The following TIAM1 variants were observed in gnomAD, a reference collection of about 807,000 sequenced individuals.
The protein encoded by TIAM1 is rho guanine nucleotide exchange factor TIAM1.
Under a neutral mutation model 163.5 loss-of-function variants are expected in TIAM1, and 65 were observed. The ratio of observed to expected loss-of-function variants is 0.40; its 90% CI spans 0.33 to 0.49. The LOEUF is 0.49. TIAM1 is among the 20% of genes least tolerant of loss of function. TIAM1 has a pLI of 0.77. For missense variants in TIAM1, 1,789 were observed against 2,044.7 expected (o/e 0.87, Z 2.41); for synonymous variants, 833 against 810.1 (o/e 1.03, Z -0.48).
intron 1 of TIAM1, among the ~76,000 whole-genome samples, chr21:31,531,439 A>T (rs1053703354): frequency 2.0e-5 from 3 of 152,200 alleles, no homozygotes; most frequent in Non-Finnish European, 4.4e-5. Context: ...AAAAAGAAAC[A>T]AAACGACACC....
intron 2 of TIAM1, among the ~76,000 whole-genome samples, chr21:31,383,613 A>G (rs544360717): frequency 6.6e-6 from 1 of 152,258 alleles, no homozygotes; most frequent in East Asian, 1.9e-4. Flanking sequence ...TGTCATTTCC[A>G]CGGACAATTC....
chr21:31,477,333 G>A (rs1412811933), intron 1 of TIAM1, among the ~76,000 whole-genome samples: 1 of 152,172 alleles, frequency 6.6e-6, no homozygotes, highest in Non-Finnish European at 1.5e-5. Flanking sequence ...GAGGCAATCT[G>A]CTGGCAAATG....
intron 1 of TIAM1, among the ~76,000 whole-genome samples, chr21:31,489,145 G>A (rs1437741659): frequency 1.5e-5 from 2 of 131,074 alleles, no homozygotes; most frequent in Non-Finnish European, 3.3e-5. Flanking sequence ...TGAGGCAGGA[G>A]GAATGCTTGA....
At chr21:31,370,884 AGCCCCGGTATGCAGCCTGT>A (rs1426359199) in intron 2 of TIAM1, among the ~76,000 whole-genome samples, 2 of 152,204 alleles carry the variant, frequency 1.3e-5, no homozygotes, top group Non-Finnish European at 2.9e-5. Flanking sequence ...TATAGCAACA[AGCCCCGGTATGCAGCCTGT>A]GCCGCCCTCT....
chr21:31,465,566 A>T (rs1481417956), intron 1 of TIAM1, among the ~76,000 whole-genome samples: 1 of 146,922 alleles, frequency 6.8e-6, no homozygotes, highest in Non-Finnish European at 1.5e-5. Context: ...GGCAGTGAGT[A>T]GTGATCTTCT....
intron 15 of TIAM1, among the ~76,000 whole-genome samples, chr21:31,175,572 G>A (rs1014017951): frequency 2.3e-4 from 35 of 152,102 alleles, no homozygotes; most frequent in Admixed American, 2.2e-3. Context: ...ATGGGGATTT[G>A]TGTTGGAATT....
chr21:31,120,418 C>G lies in TIAM1; in HGVS notation c.4726G>C (p.Val1576Leu). 1.9e-6 allele frequency: 3 copies of G among 1,614,044 alleles called. No individual in the cohort carries two copies. The highest frequency in any genetic ancestry group is 2.5e-6 in the Non-Finnish European group (3 of 1,179,978). The change falls in exon 28 of 28, where the codon GTT (valine) becomes CTT (leucine). Residue 1576 changes from valine to leucine, a missense_variant. Coordinates refer to ENST00000541036, the MANE Select transcript of TIAM1 (RefSeq NM_001353694.2). The surrounding 1 kb of genome is among the most constrained non-coding windows in gnomAD (Gnocchi z 4.2). ...LESASEEVIW[V>L]RREDFAPSRK... Reference sequence around the variant, plus strand: ...GAGGGGGCAAAGTCTTCACGCCTAACCCAAATGACTTCCTCGCTTGCGCTC... The same window carrying G: ...GAGGGGGCAAAGTCTTCACGCCTAAGCCAAATGACTTCCTCGCTTGCGCTC...
chr21:31,120,327 G>T lies in TIAM1; in HGVS notation c.*41C>A. ...CAGGAGGGTGGGCAGAGTTAGGGCAGGAAGTATCTACACACATTCTCTACG... is the reference window on the plus strand; with the variant it reads ...CAGGAGGGTGGGCAGAGTTAGGGCATGAAGTATCTACACACATTCTCTACG... On this transcript the variant is annotated 3_prime_UTR_variant, in exon 28 of 28. Transcript: ENST00000541036. This position sits in a 1 kb window ranked among gnomAD's most constrained non-coding sequence, Gnocchi z 4.2. 1 of 1,545,594 alleles carries T rather than the reference G, an allele frequency of 6.5e-7. No homozygotes were observed. The highest frequency in any genetic ancestry group is 8.8e-7 in the Non-Finnish European group (1 of 1,140,812).
At chr21:31,284,483 C>T (rs1037540118) in intron 2 of TIAM1, among the ~76,000 whole-genome samples, 1 of 152,034 alleles carries the variant, frequency 6.6e-6, no homozygotes, top group Admixed American at 6.6e-5. Flanking sequence ...GCTCCTCTTT[C>T]ACTGTCAAAG....
At chr21:31,217,733 G>A (rs922684814) in intron 8 of TIAM1, 34 bp from the exon 9 acceptor site, 5 of 1,607,500 alleles carry the variant, frequency 3.1e-6, no homozygotes, top group Non-Finnish European at 4.3e-6. Flanking sequence ...CCACAAGGGA[G>A]ATGCATCAGG....
At chr21:31,268,386 A>G (rs1200417714) in intron 3 of TIAM1, among the ~76,000 whole-genome samples, 4 of 152,206 alleles carry the variant, frequency 2.6e-5, no homozygotes, top group Non-Finnish European at 4.4e-5. Context: ...AACACAATAT[A>G]CCTTCACATT....
intron 23 of TIAM1, among the ~76,000 whole-genome samples, chr21:31,133,110 CCT>C (rs1004695771): frequency 6.6e-6 from 1 of 152,208 alleles, no homozygotes; most frequent in African/African-American, 2.4e-5. Flanking sequence ...CTTCACAGCA[CCT>C]CTTCCTTATT....
At chr21:31,478,848 T>C (rs900227661) in intron 1 of TIAM1, among the ~76,000 whole-genome samples, 1 of 152,204 alleles carries the variant, frequency 6.6e-6, no homozygotes, top group Admixed American at 6.5e-5. Flanking sequence ...ACACCCCAAA[T>C]GCGTGGCTTA....
upstream of TIAM1, among the ~76,000 whole-genome samples, chr21:31,348,155 G>C (rs1000049817): frequency 6.6e-6 from 1 of 152,014 alleles, no homozygotes; most frequent in African/African-American, 2.4e-5. Flanking sequence ...CTTTCAAATT[G>C]CATTCTCAGT....
chr21:31,249,797 AATGCTTCCACACG>A (rs1425402056), intron 5 of TIAM1, among the ~76,000 whole-genome samples: 1 of 152,124 alleles, frequency 6.6e-6, no homozygotes, highest in African/African-American at 2.4e-5. Context: ...AGTTCTCCAA[AATGCTTCCACACG>A]ATGCACATCT....
At chr21:31,237,045 T>G (rs984348365) in intron 6 of TIAM1, among the ~76,000 whole-genome samples, 3 of 152,128 alleles carry the variant, frequency 2.0e-5, no homozygotes, top group African/African-American at 7.2e-5. Context: ...AAAGAACATA[T>G]TATCTCAACA....
intron 1 of TIAM1, among the ~76,000 whole-genome samples, chr21:31,532,157 G>C (rs906703288): frequency 5.3e-5 from 8 of 152,068 alleles, no homozygotes; most frequent in Admixed American, 6.6e-5. Flanking sequence ...ATGCAAACAG[G>C]CCTACAGTTC....
chr21:31,231,416 C>A (rs1302293618), intron 6 of TIAM1, among the ~76,000 whole-genome samples: 4 of 152,148 alleles, frequency 2.6e-5, no homozygotes, highest in Admixed American at 2.6e-4. Flanking sequence ...TGTGGAACTG[C>A]AGCCTTTTGC....
At chr21:31,355,742 G>C (rs2076306918) in intron 2 of TIAM1, among the ~76,000 whole-genome samples, 1 of 152,030 alleles carries the variant, frequency 6.6e-6, no homozygotes. Context: ...AGTAGAGACA[G>C]GGTTTTGTCA....
Sources: gnomAD v4.1 joint callset for allele counts (sites outside exome capture counted in the v4.1 genomes callset) on GRCh38, gnomAD v4.1.1 for gene constraint, Gnocchi (gnomAD v3.1) non-coding constraint, MANE v1.5 for transcripts, NCBI Gene and HGNC (gene_info 2026-07-23, HGNC 2026-07-21) for gene names.